NELL1: variants seen among roughly 807,000 people sequenced by gnomAD.
NELL1 encodes protein kinase C-binding protein NELL1.
NELL1 carries 76 observed loss-of-function variants against 107.4 expected under a neutral mutation model. That is an observed-to-expected ratio of 0.71 (90% CI 0.59 to 0.86). The LOEUF is 0.86. Ranked by LOEUF, NELL1 falls within the 40% of genes least tolerant of loss-of-function variation. NELL1 has a pLI of 0.00. For synonymous variants in NELL1, 353 were observed against 341.2 expected, an observed-to-expected ratio of 1.03 and a Z score of -0.38; for missense variants, 1,024 against 1,005.5, an observed-to-expected ratio of 1.02 and a Z score of -0.25.
intron 4 of NELL1, among the ~76,000 whole-genome samples, chr11:20,882,164 T>C (rs1177464290): frequency 6.6e-6 from 1 of 152,228 alleles, no homozygotes; most frequent in African/African-American, 2.4e-5. Context: ...CTGGCATGTA[T>C]AGCTCCCCTT....
chr11:21,376,665 A>T (rs1045214711), intron 15 of NELL1, among the ~76,000 whole-genome samples: 4 of 152,026 alleles, frequency 2.6e-5, no homozygotes, highest in African/African-American at 9.7e-5. Context: ...AATGATATTG[A>T]TTCTTCCAAT....
At chr11:21,544,104 C>A (rs1217026739) in intron 16 of NELL1, among the ~76,000 whole-genome samples, 1 of 151,922 alleles carries the variant, frequency 6.6e-6, no homozygotes, top group Non-Finnish European at 1.5e-5. Context: ...TGACATGAAG[C>A]AATACAGGCA....
intron 13 of NELL1, among the ~76,000 whole-genome samples, chr11:21,198,774 C>T (rs1191803569): frequency 6.6e-6 from 1 of 152,138 alleles, no homozygotes; most frequent in Admixed American, 6.5e-5. Context: ...CAAAGTCTAT[C>T]CTCTGCCTCA....
At chr11:21,184,312 A>T (rs900649872) in intron 13 of NELL1, among the ~76,000 whole-genome samples, 5 of 151,654 alleles carry the variant, frequency 3.3e-5, no homozygotes, top group African/African-American at 1.2e-4. Context: ...TTTTTCACCC[A>T]GGCTGGAGTG....
chr11:21,081,775 C>T (rs1330459907), intron 12 of NELL1, among the ~76,000 whole-genome samples: 1 of 152,156 alleles, frequency 6.6e-6, no homozygotes, highest in Admixed American at 6.6e-5. Context: ...CTCATCCAAT[C>T]TAATGCAGCC....
chr11:20,673,433 A>G (rs1853971281), intron 1 of NELL1, among the ~76,000 whole-genome samples: 1 of 151,858 alleles, frequency 6.6e-6, no homozygotes. Flanking sequence ...TCCAGAGGAA[A>G]ACAGCTTCCA....
At chr11:21,364,380 C>T (rs1365152850) in intron 14 of NELL1, among the ~76,000 whole-genome samples, 1 of 125,348 alleles carries the variant, frequency 8.0e-6, no homozygotes, top group Non-Finnish European at 1.6e-5. Context: ...CATGGCATTC[C>T]AGCCTGGGAG....
chr11:21,564,249 T>C (rs1856919788), intron 17 of NELL1, among the ~76,000 whole-genome samples: 3 of 151,846 alleles, frequency 2.0e-5, no homozygotes, highest in Admixed American at 1.3e-4. Flanking sequence ...GGAGTAAAGA[T>C]GAAAACCTGA....
chr11:20,899,167 C>T (rs1849817867), intron 5 of NELL1, among the ~76,000 whole-genome samples: 1 of 152,026 alleles, frequency 6.6e-6, no homozygotes, highest in Non-Finnish European at 1.5e-5. Context: ...TACACACACA[C>T]ATACACACTC....
At chr11:20,808,137 T>C (rs1009067763) in intron 3 of NELL1, among the ~76,000 whole-genome samples, 2 of 152,166 alleles carry the variant, frequency 1.3e-5, no homozygotes. Context: ...CTCATAGCTG[T>C]GAATGTGCTG....
chr11:21,368,046 T>C (rs1458279764), intron 14 of NELL1, among the ~76,000 whole-genome samples: 1 of 152,154 alleles, frequency 6.6e-6, no homozygotes, highest in Non-Finnish European at 1.5e-5. Context: ...CATCAGTATT[T>C]CTGATATTTT....
chr11:20,985,975 C>G (rs948214689), intron 12 of NELL1, among the ~76,000 whole-genome samples: 2 of 152,186 alleles, frequency 1.3e-5, no homozygotes, highest in Admixed American at 6.5e-5. Flanking sequence ...ACCTCATTGA[C>G]CAGTTTCTGT....
At chr11:21,529,831 G>A (rs891073697) in intron 15 of NELL1, among the ~76,000 whole-genome samples, 2 of 151,666 alleles carry the variant, frequency 1.3e-5, no homozygotes, top group African/African-American at 4.8e-5. Context: ...GTCTTTTTTT[G>A]TTTAACAGTC....
At chr11:21,223,914 T>C (rs1001210609) in intron 13 of NELL1, among the ~76,000 whole-genome samples, 4 of 152,236 alleles carry the variant, frequency 2.6e-5, no homozygotes, top group African/African-American at 9.6e-5. Context: ...CCATCATTTC[T>C]GAAGGTTAGT....
chr11:21,063,658 T>A (rs1297539392), intron 12 of NELL1, among the ~76,000 whole-genome samples: 2 of 152,206 alleles, frequency 1.3e-5, no homozygotes, highest in Non-Finnish European at 2.9e-5. Flanking sequence ...AGACAAATTC[T>A]TTGTAACACA....
intron 12 of NELL1, among the ~76,000 whole-genome samples, chr11:21,011,474 T>C (rs1370355349): frequency 3.3e-5 from 5 of 152,158 alleles, no homozygotes; most frequent in Non-Finnish European, 5.9e-5. Flanking sequence ...GAGTTTCCTA[T>C]GTTGGACCAA....
chr11:21,223,285 G>A (rs979506134), intron 13 of NELL1, among the ~76,000 whole-genome samples: 2 of 151,870 alleles, frequency 1.3e-5, no homozygotes, highest in African/African-American at 4.8e-5. Context: ...ATATATACTT[G>A]CTGAATTGAT....
chr11:20,990,522 C>A (rs1165529531), intron 12 of NELL1, among the ~76,000 whole-genome samples: 1 of 152,172 alleles, frequency 6.6e-6, no homozygotes, highest in Admixed American at 6.5e-5. Flanking sequence ...TGCCATTTTT[C>A]TCCAGCATTT....
At chr11:21,315,204 G>T (rs1335250169) in intron 14 of NELL1, among the ~76,000 whole-genome samples, 1 of 152,088 alleles carries the variant, frequency 6.6e-6, no homozygotes, top group African/African-American at 2.4e-5. Flanking sequence ...AAACACTTTT[G>T]TATATAGTGC....
Sources: allele counts gnomAD v4.1 joint callset (sites outside exome capture counted in the v4.1 genomes callset), GRCh38; gene constraint gnomAD v4.1.1; transcripts MANE v1.5; gene names NCBI Gene and HGNC (gene_info 2026-07-23, HGNC 2026-07-21).